Variants in TSHZ2 observed in about 807,000 individuals in gnomAD.
The protein encoded by TSHZ2 is teashirt zinc finger homeobox 2.
Under a neutral mutation model 74.4 loss-of-function variants are expected in TSHZ2, and 21 were observed. The observed-to-expected ratio is 0.28, with a 90% CI of 0.20 to 0.41. TSHZ2 has a LOEUF of 0.41. Ranked by LOEUF, TSHZ2 falls within the 10% of genes least tolerant of loss-of-function variation. The probability of loss-of-function intolerance (pLI) is 1.00; values close to 1 mark genes in which losing one functional copy is unlikely to be tolerated. For missense variants in TSHZ2, 1,244 were observed against 1,293.5 expected (o/e 0.96, Z 0.59); for synonymous variants, 540 against 515.3 (o/e 1.05, Z -0.65).
At chr20:53,210,610 T>G (rs1989280521) in intron 1 of TSHZ2, among the ~76,000 whole-genome samples, 1 of 151,782 alleles carries the variant, frequency 6.6e-6, no homozygotes, top group Non-Finnish European at 1.5e-5. Context: ...GCCTGGGGTT[T>G]GGGGTTTATA....
At chr20:53,029,846 A>G (rs930726547) in intron 1 of TSHZ2, among the ~76,000 whole-genome samples, 32 of 129,756 alleles carry the variant, frequency 2.5e-4, no homozygotes, top group African/African-American at 9.9e-4. Flanking sequence ...AAAATTCTAG[A>G]AATTTGGAGT....
At chr20:53,113,614 A>C (rs1010183489) in intron 1 of TSHZ2, among the ~76,000 whole-genome samples, 3 of 152,212 alleles carry the variant, frequency 2.0e-5, no homozygotes, top group Non-Finnish European at 1.5e-5. Context: ...AGGTTTCAGA[A>C]TATCTAAGAG....
chr20:53,025,173 T>A (rs1488359241), intron 1 of TSHZ2, among the ~76,000 whole-genome samples: 1 of 151,364 alleles, frequency 6.6e-6, no homozygotes, highest in African/African-American at 2.4e-5. Context: ...TTTATAGATA[T>A]GCATAAATAT....
intron 2 of TSHZ2, among the ~76,000 whole-genome samples, chr20:53,260,392 A>G (rs1990579651): frequency 6.6e-6 from 1 of 152,208 alleles, no homozygotes; most frequent in Admixed American, 6.5e-5. Context: ...TCATTATGAC[A>G]TATCTAGAAA....
chr20:53,129,302 G>GAT (rs893383622), intron 1 of TSHZ2, among the ~76,000 whole-genome samples: 10 of 152,130 alleles, frequency 6.6e-5, no homozygotes, highest in East Asian at 1.9e-4. Flanking sequence ...GTACATGGTA[G>GAT]ATATATATAT....
chr20:53,334,499 GA>G (rs1373651315), intron 2 of TSHZ2, among the ~76,000 whole-genome samples: 5 of 152,132 alleles, frequency 3.3e-5, no homozygotes, highest in African/African-American at 1.2e-4. Context: ...CAGGATGGGG[GA>G]GGCAGGGCAC....
At chr20:53,248,575 G>A (rs1286958114) in intron 1 of TSHZ2, among the ~76,000 whole-genome samples, 1 of 152,160 alleles carries the variant, frequency 6.6e-6, no homozygotes, top group Non-Finnish European at 1.5e-5. Flanking sequence ...CATATGTAAT[G>A]TTGTTTATAG....
intron 1 of TSHZ2, chr20:53,178,492 T>C (rs2123503452): frequency 1.3e-5 from 2 of 152,344 alleles, no homozygotes; most frequent in South Asian, 4.1e-4. Context: ...ACTCTGTCCA[T>C]TGTAAAACAT....
At chr20:53,045,833 C>A (rs1279205946) in intron 1 of TSHZ2, among the ~76,000 whole-genome samples, 2 of 152,218 alleles carry the variant, frequency 1.3e-5, no homozygotes, top group Admixed American at 1.3e-4. Context: ...GACAACACAA[C>A]TGTTCCATCA....
chr20:53,451,532 T>C (rs1207806937), intron 2 of TSHZ2, among the ~76,000 whole-genome samples: 1 of 152,216 alleles, frequency 6.6e-6, no homozygotes, highest in East Asian at 1.9e-4. Context: ...TTGGGACTTC[T>C]CTTAAGAATT....
rs547220700 is a variant in TSHZ2, at chr20:53,400,816, G to A, written c.*9-86328G>A. ...ACTTGGGCATCGGGAAGTCCAGGAC[G>A]GAGCAAAACAGAGGAGGGTGCTCTC... On this transcript the variant is annotated intron_variant, in intron 2 of 2. Transcript: ENST00000371497. Among the ~76,000 whole-genome samples the A allele has an allele frequency of 3.9e-5, 6 of 152,230 alleles. No individual in the cohort carries two copies. The East Asian group carries it at 9.6e-4, about 24-fold the overall frequency.
intron 2 of TSHZ2, among the ~76,000 whole-genome samples, chr20:53,268,563 CTCT>C (rs1473705100): frequency 1.3e-5 from 2 of 152,212 alleles, no homozygotes; most frequent in African/African-American, 4.8e-5. Context: ...TTTGCTTTGC[CTCT>C]TCTTTCCCTG....
chr20:53,263,166 T>C (rs1990636023), intron 2 of TSHZ2, among the ~76,000 whole-genome samples: 1 of 152,222 alleles, frequency 6.6e-6, no homozygotes, highest in Non-Finnish European at 1.5e-5. Flanking sequence ...AATAGATACT[T>C]TCCAACTCAG....
intron 2 of TSHZ2, among the ~76,000 whole-genome samples, chr20:53,429,449 G>A (rs1328925777): frequency 3.3e-5 from 5 of 152,184 alleles, no homozygotes; most frequent in African/African-American, 7.2e-5. Flanking sequence ...TGCTGTTCTC[G>A]TGATAGTGAA....
chr20:53,068,863 A>G (rs1165047061), intron 1 of TSHZ2, among the ~76,000 whole-genome samples: 2 of 151,318 alleles, frequency 1.3e-5, no homozygotes, highest in Non-Finnish European at 2.9e-5. Flanking sequence ...TCTATTAGAG[A>G]TTTTCTGTTG....
intron 1 of TSHZ2, among the ~76,000 whole-genome samples, chr20:53,252,835 A>C (rs1390435415): frequency 6.6e-6 from 1 of 152,198 alleles, no homozygotes; most frequent in Non-Finnish European, 1.5e-5. Flanking sequence ...GATTATTTTC[A>C]AGTCATTATA....
At chr20:53,484,012 T>C (rs1157362082) in intron 2 of TSHZ2, among the ~76,000 whole-genome samples, 2 of 152,232 alleles carry the variant, frequency 1.3e-5, no homozygotes, top group Non-Finnish European at 2.9e-5. Context: ...GACTTCACTC[T>C]TGTTTCACAG....
rs539347256 is a variant in TSHZ2 at position 53,425,325 on chromosome 20, A to C, written c.*9-61819A>C. Among the ~76,000 whole-genome samples the C allele has an allele frequency of 3.3e-5, 5 of 152,332 alleles. No individual in the cohort carries two copies. The South Asian group carries it at 1.0e-3, about 32-fold the overall frequency. ...AATGAATTAGATCTTAATTTGAAAC[A>C]AAGCTATTCACTCAGAGGGACTTCC... On this transcript the variant is annotated intron_variant, in intron 2 of 2. Transcript: ENST00000371497.
intron 2 of TSHZ2, among the ~76,000 whole-genome samples, chr20:53,432,215 A>G (rs1477847309): frequency 6.6e-6 from 1 of 152,214 alleles, no homozygotes; most frequent in African/African-American, 2.4e-5. Context: ...ATAAGTGAGA[A>G]CATATGGCAT....
Sources: allele counts gnomAD v4.1 joint callset (sites outside exome capture counted in the v4.1 genomes callset), GRCh38; gene constraint gnomAD v4.1.1; transcripts MANE v1.5; gene names NCBI Gene and HGNC (gene_info 2026-07-23, HGNC 2026-07-21).